EXT1: variants seen among roughly 807,000 people sequenced by gnomAD.
EXT1 encodes the protein exostosin-1.
A neutral mutation model predicts 82.5 loss-of-function variants in EXT1; 20 were observed. The ratio of observed to expected loss-of-function variants is 0.24; its 90% CI spans 0.17 to 0.35. The LOEUF (loss-of-function observed/expected upper bound fraction) is 0.35, where lower values mean the gene tolerates loss of function less well. Among genes scored for constraint, EXT1 ranks in the 10% least tolerant of loss-of-function variants. The pLI is 1.00. For missense variants in EXT1, 757 were observed against 936.5 expected (o/e 0.81, Z 2.50); for synonymous variants, 348 against 350.8 (o/e 0.99, Z 0.09).
chr8:118,052,742 G>A (rs1454077850), intron 1 of EXT1, among the ~76,000 whole-genome samples: 2 of 152,206 alleles, frequency 1.3e-5, no homozygotes, highest in Non-Finnish European at 2.9e-5. Context: ...ATTAGATCAG[G>A]TGAGTAAGGA....
chr8:118,047,905 T>C (rs922685499), intron 1 of EXT1, among the ~76,000 whole-genome samples: 10 of 151,918 alleles, frequency 6.6e-5, no homozygotes, highest in South Asian at 2.1e-4. Context: ...ATACCTAGCA[T>C]GGTGATGCAC....
chr8:117,968,306 T>G (rs1814863935), intron 1 of EXT1, among the ~76,000 whole-genome samples: 1 of 151,962 alleles, frequency 6.6e-6, no homozygotes, highest in African/African-American at 2.4e-5. Context: ...TTTTGAAATT[T>G]TAAAGGTCTC....
At chr8:118,009,941 A>G (rs1008591430) in intron 1 of EXT1, among the ~76,000 whole-genome samples, 1 of 152,194 alleles carries the variant, frequency 6.6e-6, no homozygotes, top group African/African-American at 2.4e-5. Context: ...GAGGTCTTCA[A>G]CTGCTGAGGG....
intron 1 of EXT1, among the ~76,000 whole-genome samples, chr8:118,005,860 C>T (rs1184607622): frequency 6.6e-6 from 1 of 152,200 alleles, no homozygotes; most frequent in African/African-American, 2.4e-5. Context: ...ACAAATTTGG[C>T]CACCAATACA....
At chr8:117,955,072 T>C (rs1814560933) in intron 1 of EXT1, among the ~76,000 whole-genome samples, 1 of 152,130 alleles carries the variant, frequency 6.6e-6, no homozygotes, top group South Asian at 2.1e-4. Flanking sequence ...AGCTTACTAT[T>C]ACTGATTTAT....
At chr8:117,820,325 C>A (rs946658581) in intron 5 of EXT1, among the ~76,000 whole-genome samples, 2 of 152,176 alleles carry the variant, frequency 1.3e-5, no homozygotes, top group Non-Finnish European at 2.9e-5. Context: ...GATTACTTAA[C>A]CCTCTGTGTT....
chr8:118,052,460 A>C (rs1020916), intron 1 of EXT1, among the ~76,000 whole-genome samples: 72,765 of 152,044 alleles, frequency 0.48, 18,024 homozygotes, highest in African/African-American at 0.59. Context: ...CAGTCCTAAC[A>C]GCAGTACATT....
At chr8:117,939,370 G>A (rs1049067146) in intron 1 of EXT1, among the ~76,000 whole-genome samples, 1 of 152,042 alleles carries the variant, frequency 6.6e-6, no homozygotes, top group Non-Finnish European at 1.5e-5. Flanking sequence ...AGGAGTTTGA[G>A]ACCAGCCTGA....
At chr8:117,804,345 G>A (rs1418817099) in intron 10 of EXT1, among the ~76,000 whole-genome samples, 1 of 152,136 alleles carries the variant, frequency 6.6e-6, no homozygotes, top group Non-Finnish European at 1.5e-5. Flanking sequence ...AAATCTGCTG[G>A]TGCCTTGATC....
chr8:118,066,929 A>ATAGAAGTTTT (rs1028868116), intron 1 of EXT1, among the ~76,000 whole-genome samples: 1 of 152,238 alleles, frequency 6.6e-6, no homozygotes, highest in Non-Finnish European at 1.5e-5. Context: ...AGCTAATATT[A>ATAGAAGTTTT]TAGATGTTTT....
At chr8:117,910,019 C>T (rs982507187) in intron 1 of EXT1, among the ~76,000 whole-genome samples, 5 of 152,142 alleles carry the variant, frequency 3.3e-5, no homozygotes, top group African/African-American at 9.7e-5. Context: ...CCACCCGTGC[C>T]GGCCTCCCAA....
intron 1 of EXT1, among the ~76,000 whole-genome samples, chr8:118,095,533 G>T (rs1462179953): frequency 6.6e-6 from 1 of 152,194 alleles, no homozygotes; most frequent in Non-Finnish European, 1.5e-5. Flanking sequence ...TTCAATGCAG[G>T]TGTGAATTTT....
intron 1 of EXT1, among the ~76,000 whole-genome samples, chr8:118,046,326 C>G (rs1816622377): frequency 6.6e-6 from 1 of 152,172 alleles, no homozygotes; most frequent in Non-Finnish European, 1.5e-5. Context: ...CTAAGGCCTG[C>G]TGGAAAGCTT....
In EXT1 at chr8:117,905,078, T is replaced by C. The variant is rs1586276330; in HGVS notation, c.963-67877A>G. On this transcript the variant is annotated intron_variant, in intron 1 of 10. Coordinates refer to ENST00000378204, the MANE Select transcript of EXT1 (RefSeq NM_000127.3). ...AAGAACTAAAAGAACATTCCATTTC[T>C]AGCTCTGAGCAAAGAAAAAAATTAA... Among the ~76,000 whole-genome samples the C allele has an allele frequency of 2.6e-5, 4 of 152,278 alleles. No individual in the cohort carries two copies. In the East Asian group the frequency reaches 5.8e-4, roughly 22 times the overall value.
At chr8:117,837,253 G>T in intron 1 of EXT1, 52 bp from the exon 2 acceptor site, 1 of 1,467,222 alleles carries the variant, frequency 6.8e-7, no homozygotes, top group Non-Finnish European at 9.5e-7. Context: ...GCGAATGTGG[G>T]GATATTGACC....
intron 1 of EXT1, among the ~76,000 whole-genome samples, chr8:118,024,249 G>A (rs1307457579): frequency 6.6e-6 from 1 of 152,206 alleles, no homozygotes; most frequent in East Asian, 1.9e-4. Context: ...CGGTGCCTAT[G>A]ATCAGCCTTT....
chr8:117,916,199 A>C (rs1813745789), intron 1 of EXT1, among the ~76,000 whole-genome samples: 1 of 152,340 alleles, frequency 6.6e-6, no homozygotes, highest in East Asian at 1.9e-4. Flanking sequence ...GATTTACTGC[A>C]ATCTTGTAAT....
intron 1 of EXT1, among the ~76,000 whole-genome samples, chr8:117,931,370 AAAAT>A (rs945497037): frequency 1.3e-5 from 2 of 152,208 alleles, no homozygotes; most frequent in African/African-American, 4.8e-5. Context: ...CTTAGAAATA[AAAAT>A]AAATAAATAA....
chr8:117,811,069 G>A (rs1025255447), intron 8 of EXT1, among the ~76,000 whole-genome samples: 3 of 152,078 alleles, frequency 2.0e-5, no homozygotes, highest in Non-Finnish European at 4.4e-5. Flanking sequence ...CTCACCAGGT[G>A]CCTCATTCTC....
Sources: allele counts gnomAD v4.1 joint callset (sites outside exome capture counted in the v4.1 genomes callset), GRCh38; gene constraint gnomAD v4.1.1; transcripts MANE v1.5; gene names NCBI Gene and HGNC (gene_info 2026-07-23, HGNC 2026-07-21).